The following RAPGEF5 variants were observed in gnomAD, a reference collection of about 807,000 sequenced individuals.
RAPGEF5 encodes the protein Rap guanine nucleotide exchange factor 5.
Under a neutral mutation model 125.2 loss-of-function variants are expected in RAPGEF5, and 65 were observed. The observed-to-expected ratio is 0.52, with a 90% CI of 0.43 to 0.64. The LOEUF is 0.64. Among genes scored for constraint, RAPGEF5 ranks in the 30% least tolerant of loss-of-function variants. The probability of loss-of-function intolerance (pLI) is 0.00; values close to 1 mark genes in which losing one functional copy is unlikely to be tolerated. For missense variants in RAPGEF5, 958 were observed against 1,048.1 expected (o/e 0.91, Z 1.19); for synonymous variants, 391 against 385.9 (o/e 1.01, Z -0.16).
chr7:22,275,640 G>C (rs1156282186), intron 6 of RAPGEF5, among the ~76,000 whole-genome samples: 1 of 152,120 alleles, frequency 6.6e-6, no homozygotes, highest in African/African-American at 2.4e-5. Context: ...TTGTTCTAAA[G>C]ATTTGTTTTA....
intron 8 of RAPGEF5, among the ~76,000 whole-genome samples, chr7:22,220,619 G>A (rs1275204487): frequency 6.6e-6 from 1 of 151,930 alleles, no homozygotes; most frequent in Non-Finnish European, 1.5e-5. Flanking sequence ...CATTCATTGG[G>A]GTTTGGAAAT....
intron 16 of RAPGEF5, among the ~76,000 whole-genome samples, chr7:22,156,494 TG>T (rs1181972745): frequency 6.6e-6 from 1 of 152,132 alleles, no homozygotes; most frequent in African/African-American, 2.4e-5. Flanking sequence ...AGGGAGGAGA[TG>T]GTTCTAGGAG....
chr7:22,193,776 C>G (rs978540425), intron 10 of RAPGEF5, 139 bp downstream of exon 10: 2 of 1,588,356 alleles, frequency 1.3e-6, no homozygotes, highest in African/African-American at 1.3e-5. Context: ...TCAGCTAGAA[C>G]GCTGGAGAGG....
chr7:22,262,201 A>T (rs1225965598), intron 7 of RAPGEF5, among the ~76,000 whole-genome samples: 2 of 152,132 alleles, frequency 1.3e-5, no homozygotes, highest in Non-Finnish European at 2.9e-5. Flanking sequence ...AGAACTCTCA[A>T]AACTCAACTA....
chr7:22,255,270 A>T (rs1265855165), intron 7 of RAPGEF5, among the ~76,000 whole-genome samples: 1 of 152,160 alleles, frequency 6.6e-6, no homozygotes, highest in African/African-American at 2.4e-5. Context: ...AGCCTCTTAA[A>T]AATAATAATG....
intron 3 of RAPGEF5, among the ~76,000 whole-genome samples, chr7:22,310,629 A>G (rs911195323): frequency 2.0e-5 from 3 of 151,320 alleles, no homozygotes; most frequent in African/African-American, 7.3e-5. Flanking sequence ...TTCCAAGATT[A>G]GACAAAATTG....
intron 5 of RAPGEF5, among the ~76,000 whole-genome samples, chr7:22,303,851 T>C (rs916387872): frequency 5.9e-5 from 9 of 152,158 alleles, no homozygotes; most frequent in Non-Finnish European, 1.2e-4. Context: ...AGTTTTGTGG[T>C]CAAGGCAGGA....
intron 1 of RAPGEF5, among the ~76,000 whole-genome samples, chr7:22,342,271 T>C (rs1784144650): frequency 6.6e-6 from 1 of 152,196 alleles, no homozygotes; most frequent in Non-Finnish European, 1.5e-5. Flanking sequence ...GGACACCAAG[T>C]TCCCTAGGCT....
chr7:22,146,795 C>G (rs548635776), intron 19 of RAPGEF5, 102 bp downstream of exon 19: 1 of 1,359,870 alleles, frequency 7.4e-7, no homozygotes, highest in Non-Finnish European at 9.8e-7. Flanking sequence ...TTTTGGACCA[C>G]GTTATTCTAG....
chr7:22,140,942 C>T (rs1456278718), intron 20 of RAPGEF5, among the ~76,000 whole-genome samples: 2 of 152,100 alleles, frequency 1.3e-5, no homozygotes, highest in Non-Finnish European at 2.9e-5. Context: ...CTCCCTTGAT[C>T]GTTTACTATG....
intron 15 of RAPGEF5, among the ~76,000 whole-genome samples, chr7:22,157,387 G>A (rs1000861895): frequency 1.3e-5 from 2 of 152,140 alleles, no homozygotes; most frequent in African/African-American, 4.8e-5. Context: ...TCCCAAACTT[G>A]TGCCTGACAT....
chr7:22,304,166 T>C (rs1783277577), intron 5 of RAPGEF5, among the ~76,000 whole-genome samples: 1 of 151,918 alleles, frequency 6.6e-6, no homozygotes, highest in African/African-American at 2.4e-5. Flanking sequence ...TGGCTTATGA[T>C]GGTAGTATTG....
At chr7:22,252,197 A>T (rs906732859) in intron 7 of RAPGEF5, among the ~76,000 whole-genome samples, 1 of 152,180 alleles carries the variant, frequency 6.6e-6, no homozygotes, top group Non-Finnish European at 1.5e-5. Flanking sequence ...AAGAAGTAGG[A>T]CTCTGAAGAG....
chr7:22,336,715 C>A, intron 1 of RAPGEF5, among the ~76,000 whole-genome samples: 1 of 152,128 alleles, frequency 6.6e-6, no homozygotes. Flanking sequence ...CTGGGTGGAA[C>A]CTGGGATTCA....
chr7:22,123,846 G>C (rs925335818), intron 25 of RAPGEF5, among the ~76,000 whole-genome samples: 2 of 152,218 alleles, frequency 1.3e-5, no homozygotes, highest in African/African-American at 4.8e-5. Flanking sequence ...GCCTTAAAAA[G>C]ATGGCACAAT....
intron 8 of RAPGEF5, among the ~76,000 whole-genome samples, chr7:22,223,003 G>T (rs1201118578): frequency 6.6e-6 from 1 of 152,118 alleles, no homozygotes; most frequent in African/African-American, 2.4e-5. Context: ...GATCTGGGAA[G>T]GAAAATGGCT....
intron 5 of RAPGEF5, among the ~76,000 whole-genome samples, chr7:22,296,125 A>G (rs549650340): frequency 2.0e-5 from 3 of 152,286 alleles, no homozygotes; most frequent in South Asian, 2.1e-4. Context: ...TGTTAAGTAC[A>G]TGACTGGGTG....
rs1782557479 is a variant in RAPGEF5, at chr7:22,120,706, C to A, written c.*1700G>T. On this transcript the variant is annotated 3_prime_UTR_variant, in exon 26 of 26. Coordinates refer to ENST00000665637, the MANE Select transcript of RAPGEF5 (RefSeq NM_012294.5). The surrounding 1 kb of genome is among the most constrained non-coding windows in gnomAD (Gnocchi z 4.0). ...CTGAATGGACCAGCCCTGGAGGATGCCCTTCTATAAAACCCTATAAATGTT... is the reference window on the plus strand; with the variant it reads ...CTGAATGGACCAGCCCTGGAGGATGACCTTCTATAAAACCCTATAAATGTT... 1 of 152,330 alleles carries A rather than the reference C, an allele frequency of 6.6e-6. No homozygotes were observed. The highest frequency in any genetic ancestry group is 1.5e-5 in the Non-Finnish European group (1 of 68,054). 9.4% of individuals were successfully genotyped at this position (152,330 alleles called of 1,614,324 possible).
chr7:22,189,041 C>A (rs1419251029), intron 11 of RAPGEF5, among the ~76,000 whole-genome samples: 2 of 133,284 alleles, frequency 1.5e-5, no homozygotes, highest in East Asian at 4.2e-4. Flanking sequence ...TGAATGATAA[C>A]CTCATGAAAT....
Sources: gnomAD v4.1 joint callset for allele counts (sites outside exome capture counted in the v4.1 genomes callset) on GRCh38, gnomAD v4.1.1 for gene constraint, Gnocchi (gnomAD v3.1) non-coding constraint, MANE v1.5 for transcripts, NCBI Gene and HGNC (gene_info 2026-07-23, HGNC 2026-07-21) for gene names.